RERE: variants seen among roughly 807,000 people sequenced by gnomAD.
RERE encodes arginine-glutamic acid dipeptide repeats.
In RERE, 40 loss-of-function variants were observed where a neutral mutation model predicts 146.1. The ratio of observed to expected loss-of-function variants is 0.27; its 90% confidence interval spans 0.21 to 0.36. RERE has a LOEUF of 0.36. Among genes scored for constraint, RERE ranks in the 10% least tolerant of loss-of-function variants. The probability of loss-of-function intolerance (pLI) is 1.00; values close to 1 mark genes in which losing one functional copy is unlikely to be tolerated. For synonymous variants in RERE, 1,003 were observed against 866.0 expected, an observed-to-expected ratio of 1.16 and a Z score of -2.78; for missense variants, 1,933 against 2,138.7, an observed-to-expected ratio of 0.90 and a Z score of 1.90.
intron 11 of RERE, among the ~76,000 whole-genome samples, chr1:8,441,761 A>C (rs1012813065): frequency 2.6e-5 from 4 of 152,216 alleles, no homozygotes; most frequent in African/African-American, 9.6e-5. Flanking sequence ...GTGTTTAAAA[A>C]AACCATACAA....
At position 8,364,025 on chromosome 1, in the gene RERE, G is replaced by A. The variant is rs781593202; in HGVS notation, c.1740+31C>T. The A allele has an allele frequency of 1.3e-6, 2 of 1,594,610 alleles. No individual in the cohort carries two copies. ...CACATCCCAGGAAACTGAAGAAGTT[G>A]CCAGGAGCCCCATGGCCCCAGGGGA... On this transcript the variant is annotated intron_variant, in intron 15 of 22. Transcript: ENST00000400908. The surrounding 1 kb of genome is among the most constrained non-coding windows in gnomAD (Gnocchi z 5.1).
At chr1:8,774,005 T>C (rs966305160) in intron 1 of RERE, among the ~76,000 whole-genome samples, 3 of 152,186 alleles carry the variant, frequency 2.0e-5, no homozygotes, top group African/African-American at 7.2e-5. Flanking sequence ...ATAGCCTTCC[T>C]TCTCAACAGG....
intron 1 of RERE, among the ~76,000 whole-genome samples, chr1:8,699,152 G>GTTATGTTAA (rs1557489003): frequency 1.3e-5 from 2 of 152,124 alleles, no homozygotes; most frequent in African/African-American, 4.8e-5. Flanking sequence ...CATAATTAGT[G>GTTATGTTAA]CTCACTATGT....
intron 7 of RERE, among the ~76,000 whole-genome samples, chr1:8,518,677 G>A (rs773642150): frequency 3.9e-5 from 6 of 152,160 alleles, no homozygotes; most frequent in Non-Finnish European, 7.4e-5. Context: ...GAAGACTAGT[G>A]CAATATGCTG....
In RERE at chr1:8,364,324, G is replaced by A; in HGVS notation, c.1541-69C>T. ...TCTCCCTGGGGATGTCTGGGCAGAG[G>A]GGCCCTTCTGTGGGCTCTACCCAAA... On this transcript the variant is annotated intron_variant, in intron 14 of 22. Coordinates refer to ENST00000400908, the MANE Select transcript of RERE (RefSeq NM_001042681.2). The surrounding 1 kb of genome is among the most constrained non-coding windows in gnomAD (Gnocchi z 5.1). 2.1e-6 allele frequency: 3 copies of A among 1,435,234 alleles called. No homozygotes were observed. The highest frequency in any genetic ancestry group is 2.9e-6 in the Non-Finnish European group (3 of 1,022,566). The allele number at this position is 1,435,234 out of a possible 1,614,324, so 88.9% of individuals were successfully genotyped here. A position where few individuals can be genotyped will look rare whatever the true frequency, so the allele number is the denominator to read the frequency against.
At chr1:8,365,514 G>T (rs1035587792) in intron 13 of RERE, among the ~76,000 whole-genome samples, 1 of 152,172 alleles carries the variant, frequency 6.6e-6, no homozygotes, top group African/African-American at 2.4e-5. Context: ...CCAGGACAAG[G>T]CCAAAAACAT....
chr1:8,405,643 T>C (rs1161085331), intron 12 of RERE, among the ~76,000 whole-genome samples: 2 of 152,174 alleles, frequency 1.3e-5, no homozygotes, highest in Non-Finnish European at 2.9e-5. Flanking sequence ...ATTACTGATT[T>C]TTCTTTTTAT....
Position 8,774,347 on chromosome 1 carries a change from A to ATTTTTTT in RERE, c.-145+42806_-145+42812dup, listed in dbSNP as rs34859762. Reference sequence around the variant, plus strand: ...ATTATCTCCTTCATTTTGGCAAACTATTTTTTTTTTTTTTTTTTTTTTTGC... The same window carrying ATTTTTTT: ...ATTATCTCCTTCATTTTGGCAAACTATTTTTTTTTTTTTTTTTTTTTTTTTTTTTTGC... On this transcript the variant is annotated intron_variant, in intron 1 of 22. Coordinates refer to ENST00000400908, the MANE Select transcript of RERE (RefSeq NM_001042681.2). Among the ~76,000 whole-genome samples the ATTTTTTT allele has an allele frequency of 9.8e-4, 91 of 93,176 alleles. 2 individuals are homozygous for ATTTTTTT. Among genetic ancestry groups the ATTTTTTT allele is most frequent in the Non-Finnish European group, 1.2e-3 (59 of 48,206 alleles). The allele number at this position is 93,176 out of a possible 152,430, so 61.1% of individuals were successfully genotyped here. A position where few individuals can be genotyped will look rare whatever the true frequency, so the allele number is the denominator to read the frequency against.
At chr1:8,483,475 T>A in intron 10 of RERE, among the ~76,000 whole-genome samples, 1 of 152,214 alleles carries the variant, frequency 6.6e-6, no homozygotes, top group East Asian at 1.9e-4. Context: ...TTCTATGGAC[T>A]TAATTTTTTA....
At position 8,641,469 on chromosome 1, in the gene RERE, T is replaced by C. The variant is rs141226300; in HGVS notation, c.325+14504A>G. The stretch of plus-strand genomic sequence containing the variant: ...GAAAAAAGGACAGAGGATTTTAATA[T>C]AACTGCAGGAAATCTCAGTCCAATT... On this transcript the variant is annotated intron_variant, in intron 2 of 22. Coordinates refer to ENST00000400908, the MANE Select transcript of RERE (RefSeq NM_001042681.2). Among the ~76,000 whole-genome samples the C allele has an allele frequency of 1.8e-4, 27 of 152,316 alleles. 1 individual carries two copies. In the East Asian group the frequency reaches 5.2e-3, roughly 29 times the overall value.
intron 4 of RERE, among the ~76,000 whole-genome samples, chr1:8,575,431 G>A (rs1456663793): frequency 6.8e-6 from 1 of 147,320 alleles, no homozygotes; most frequent in African/African-American, 2.5e-5. Flanking sequence ...GTCCAGGCTG[G>A]AGTGCACTGG....
At chr1:8,454,920 C>G (rs1279577738) in intron 11 of RERE, among the ~76,000 whole-genome samples, 6 of 152,122 alleles carry the variant, frequency 3.9e-5, no homozygotes, top group African/African-American at 1.4e-4. Context: ...AATCTGAGTA[C>G]TGATACCCAC....
chr1:8,559,280 CAAAAAAAAAAA>C (rs548075266), intron 4 of RERE, among the ~76,000 whole-genome samples: 23 of 12,076 alleles, frequency 1.9e-3, no homozygotes, highest in Non-Finnish European at 3.1e-3. Context: ...AACTCCAGCT[CAAAAAAAAAAA>C]AAAAAAAAAA....
At chr1:8,604,481 A>G (rs983321474) in intron 4 of RERE, among the ~76,000 whole-genome samples, 1 of 143,980 alleles carries the variant, frequency 6.9e-6, no homozygotes, top group African/African-American at 2.5e-5. Flanking sequence ...GCAGAGCTCC[A>G]TCTCCACACA....
intron 8 of RERE, among the ~76,000 whole-genome samples, chr1:8,502,399 G>A (rs1354374059): frequency 8.3e-6 from 1 of 120,440 alleles, no homozygotes. Context: ...GCCTCTGCCC[G>A]GCCGCCCCTA....
At chr1:8,536,092 G>A (rs1194880930) in intron 7 of RERE, among the ~76,000 whole-genome samples, 5 of 142,576 alleles carry the variant, frequency 3.5e-5, no homozygotes, top group Admixed American at 7.2e-5. Context: ...GCGATAGAGC[G>A]AGACTCCATC....
chr1:8,448,143 C>T (rs992713528), intron 11 of RERE, among the ~76,000 whole-genome samples: 1 of 152,132 alleles, frequency 6.6e-6, no homozygotes, highest in Admixed American at 6.5e-5. Context: ...TGTCCAGGGC[C>T]ACCTGGAGGC....
chr1:8,464,416 C>T (rs745931929), intron 11 of RERE, among the ~76,000 whole-genome samples: 12 of 152,176 alleles, frequency 7.9e-5, no homozygotes, highest in Non-Finnish European at 1.5e-4. Context: ...CACCCAGCCA[C>T]CAGTCCCAGC....
At position 8,364,178 on chromosome 1, in the gene RERE, C is replaced by A. The variant is rs748973740; in HGVS notation, c.1618G>T (p.Gly540Cys). Residue 540 changes from glycine to cysteine, a missense_variant, in exon 15 of 23, where the codon GGT becomes TGT. Transcript: ENST00000400908. The surrounding 1 kb of genome is among the most constrained non-coding windows in gnomAD (Gnocchi z 5.1). ...GGCTTCTCAATGGGCGGGAGCTCAC[C>A]GTATTTCTTGAAGTGGATGCGACAG... ...TDCRIHFKKYGELPPIEKPVD... is the reference protein window; with the variant it reads ...TDCRIHFKKYCELPPIEKPVD... 4 of 1,614,126 alleles carry A rather than the reference C, an allele frequency of 2.5e-6. No individual in the cohort carries two copies. Among genetic ancestry groups the A allele is most frequent in the Non-Finnish European group, 3.4e-6 (4 of 1,180,006 alleles).
Sources: gnomAD v4.1 joint callset for allele counts (sites outside exome capture counted in the v4.1 genomes callset) on GRCh38, gnomAD v4.1.1 for gene constraint, Gnocchi (gnomAD v3.1) non-coding constraint, MANE v1.5 for transcripts, NCBI Gene and HGNC (gene_info 2026-07-23, HGNC 2026-07-21) for gene names.